The following NLRP1 variants were observed in gnomAD, a reference collection of about 807,000 sequenced individuals.
NLRP1 encodes NLR family pyrin domain containing 1.
A neutral mutation model predicts 136.7 loss-of-function variants in NLRP1; 94 were observed. The observed-to-expected ratio is 0.69, with a 90% CI of 0.58 to 0.82. NLRP1 has a LOEUF of 0.82. Ranked by LOEUF, NLRP1 falls within the 40% of genes least tolerant of loss-of-function variation. The pLI, the probability that NLRP1 is intolerant of heterozygous loss-of-function variation, is 0.00. For missense variants in NLRP1, 1,575 were observed against 1,802.7 expected, an observed-to-expected ratio of 0.87 and a Z score of 2.29; for synonymous variants, 690 against 725.1, an observed-to-expected ratio of 0.95 and a Z score of 0.78.
chr17:5,517,868 C>T lies in NLRP1; in HGVS notation c.3935G>A (p.Arg1312Gln), dbSNP rs765377790. The T allele has an allele frequency of 1.9e-5, 31 of 1,614,012 alleles. No individual in the cohort carries two copies. The highest frequency in any genetic ancestry group is 4.0e-5 in the African/African-American group (3 of 74,940). The change falls in exon 15 of 17, where the codon CGA becomes CAA. Residue 1312 changes from arginine to glutamine, a missense_variant. Coordinates refer to ENST00000572272, the MANE Select transcript of NLRP1 (RefSeq NM_033004.4). ...GAACAGCTGGTCTTCTCCAGGGCTTCGATAGCAGAGCTCCAGTTCCTGAAG... is the reference window on the plus strand; with the variant it reads ...GAACAGCTGGTCTTCTCCAGGGCTTTGATAGCAGAGCTCCAGTTCCTGAAG... ...ILPKELELCY[R>Q]SPGEDQLFSE...
chr17:5,564,345 G>GC (rs1915090467), intron 3 of NLRP1, among the ~76,000 whole-genome samples: 1 of 151,222 alleles, frequency 6.6e-6, no homozygotes, highest in Non-Finnish European at 1.5e-5. Context: ...TTTCCCTCTT[G>GC]CCCCCCACTA....
rs1420688556 is a variant in NLRP1 at position 5,545,393 on chromosome 17, CACACACGGAT to C, written c.2529-3376_2529-3367del. 2.6e-5 allele frequency among the ~76,000 whole-genome samples: 4 copies of C among 151,368 alleles called. No homozygotes were observed. The South Asian group carries it at 6.3e-4, about 24-fold the overall frequency. ...ACAGACACAGACACCCACACACAGA[CACACACGGAT>C]ACACACACACATACACAGACATACA... is the stretch of plus-strand genomic sequence containing the variant. On this transcript the variant is annotated intron_variant, in intron 5 of 16. Coordinates refer to ENST00000572272, the MANE Select transcript of NLRP1 (RefSeq NM_033004.4).
rs1294248524 is a variant in NLRP1 at position 5,517,362 on chromosome 17, C to CGG, written c.4057+383_4057+384insCC. On this transcript the variant is annotated intron_variant, in intron 15 of 16. Transcript: ENST00000572272. ...TAGTGCACTCTGCACCCCCCCCCCTCCCACATACACAGACTTTCTTCCATT... is the reference window on the plus strand; with the variant it reads ...TAGTGCACTCTGCACCCCCCCCCCTCGGCCACATACACAGACTTTCTTCCATT... Among the ~76,000 whole-genome samples, 72 of 61,568 alleles carry CGG rather than the reference C, an allele frequency of 1.2e-3. 16 individuals carry two copies. Among genetic ancestry groups the CGG allele is most frequent in the African/African-American group, 3.2e-3 (62 of 19,158 alleles). The allele number at this position is 61,568 out of a possible 152,430, so 40.4% of individuals were successfully genotyped here. A position where few individuals can be genotyped will look rare whatever the true frequency, so the allele number is the denominator to read the frequency against.
chr17:5,512,379 C>T (rs544330183), downstream of NLRP1: 3 of 1,131,772 alleles, frequency 2.7e-6, no homozygotes, highest in South Asian at 1.2e-5. Flanking sequence ...TGGACCCACA[C>T]TTGTAACATC....
At chr17:5,542,333 C>T (rs1226101369) in intron 5 of NLRP1, among the ~76,000 whole-genome samples, 1 of 152,134 alleles carries the variant, frequency 6.6e-6, no homozygotes, top group Non-Finnish European at 1.5e-5. Context: ...CATCTCTGTC[C>T]TCATCTCTAA....
At chr17:5,538,562 T>C (rs1485964192) in intron 7 of NLRP1, among the ~76,000 whole-genome samples, 1 of 152,160 alleles carries the variant, frequency 6.6e-6, no homozygotes, top group Admixed American at 6.5e-5. Flanking sequence ...GTACTTTCCT[T>C]TCACTCCACA....
intron 3 of NLRP1, among the ~76,000 whole-genome samples, chr17:5,574,987 G>T (rs547577182): frequency 3.3e-5 from 5 of 152,144 alleles, no homozygotes; most frequent in Admixed American, 2.0e-4. Flanking sequence ...TTAAAGAAAA[G>T]AATTTTCAAC....
chr17:5,508,080 G>A (rs1907441980), intron 15 of NLRP1, among the ~76,000 whole-genome samples: 1 of 152,042 alleles, frequency 6.6e-6, no homozygotes, highest in South Asian at 2.1e-4. Flanking sequence ...GTTGCGGTGA[G>A]CTGACATCGT....
chr17:5,580,488 A>G (rs1905516944), intron 3 of NLRP1, among the ~76,000 whole-genome samples: 1 of 152,206 alleles, frequency 6.6e-6, no homozygotes, highest in Non-Finnish European at 1.5e-5. Context: ...GAATCAGGGA[A>G]AAATGTTATT....
chr17:5,577,132 T>C (rs1905105679), intron 3 of NLRP1, among the ~76,000 whole-genome samples: 1 of 152,186 alleles, frequency 6.6e-6, no homozygotes, highest in Non-Finnish European at 1.5e-5. Context: ...AAGAGCTATT[T>C]ATGGCAAACC....
At chr17:5,553,774 A>G (rs75897615) in intron 4 of NLRP1, among the ~76,000 whole-genome samples, 8,763 of 151,558 alleles carry the variant, frequency 0.058, 602 homozygotes, top group African/African-American at 0.17. Flanking sequence ...AGCCCTTACC[A>G]TAGCACACTG....
intron 4 of NLRP1, among the ~76,000 whole-genome samples, chr17:5,556,295 T>C (rs1477232311): frequency 6.6e-6 from 1 of 151,748 alleles, no homozygotes; most frequent in South Asian, 2.1e-4. Context: ...ATACAAAAAA[T>C]ATACAAAAAT....
At position 5,583,612 on chromosome 17, in the gene NLRP1, G is replaced by C; in HGVS notation, c.271+75C>G. On this transcript the variant is annotated intron_variant, in intron 1 of 16. Transcript: ENST00000572272. The surrounding 1 kb of genome is among the most constrained non-coding windows in gnomAD (Gnocchi z 4.5). The stretch of plus-strand genomic sequence containing the variant: ...GGCCTGGCAGGGAGGGCTCAGTGGT[G>C]GGGTCCCAAGAGGGCAGGGCAGGCA... 1.4e-6 allele frequency: 2 copies of C among 1,432,112 alleles called. No homozygotes were observed. Among genetic ancestry groups the C allele is most frequent in the Non-Finnish European group, 1.9e-6 (2 of 1,061,836 alleles). 88.7% of individuals were successfully genotyped at this position (1,432,112 alleles called of 1,614,324 possible).
intron 15 of NLRP1, among the ~76,000 whole-genome samples, chr17:5,516,549 A>G (rs1467826897): frequency 6.6e-6 from 1 of 152,236 alleles, no homozygotes; most frequent in Non-Finnish European, 1.5e-5. Flanking sequence ...TTGGCTTAAC[A>G]TGAGGAAAAA....
At chr17:5,540,350 C>T (rs188966652) in intron 6 of NLRP1, among the ~76,000 whole-genome samples, 2 of 152,264 alleles carry the variant, frequency 1.3e-5, no homozygotes, top group East Asian at 3.9e-4. Flanking sequence ...GGGCTATGTA[C>T]CTGCTGTATG....
chr17:5,583,709 G>A lies in NLRP1; in HGVS notation c.249C>T (p.Cys83=), dbSNP rs753714957. 6.4e-6 allele frequency: 10 copies of A among 1,554,140 alleles called. No homozygotes were observed. The highest frequency in any genetic ancestry group is 1.9e-5 in the Admixed American group (1 of 51,750). ...CACCTGCCCCTTCCTGGGCTTGGGC[G>A]CACAGTGACCTCAGCCCCATCTGCT... ...TWEQMGLRSL[C]AQAQEGAGHS... The change falls in exon 1 of 17, where the codon TGC becomes TGT. Residue 83 remains cysteine, a synonymous_variant. Coordinates refer to ENST00000572272, the MANE Select transcript of NLRP1 (RefSeq NM_033004.4). This position sits in a 1 kb window ranked among gnomAD's most constrained non-coding sequence, Gnocchi z 4.5.
downstream of NLRP1, among the ~76,000 whole-genome samples, chr17:5,512,906 T>G (rs928536679): frequency 1.2e-4 from 19 of 152,092 alleles, no homozygotes; most frequent in African/African-American, 4.3e-4. Context: ...ATCAGTGGAG[T>G]CTTTGTGACC....
At chr17:5,535,534 G>A (rs1033812097) in intron 8 of NLRP1, among the ~76,000 whole-genome samples, 10 of 151,872 alleles carry the variant, frequency 6.6e-5, no homozygotes, top group African/African-American at 2.4e-4. Flanking sequence ...GCCCATAGGT[G>A]CACTCACACT....
chr17:5,582,963 G>A (rs905634758), intron 1 of NLRP1, 117 bp from the exon 2 acceptor site: 1 of 748,452 alleles, frequency 1.3e-6, no homozygotes, highest in Non-Finnish European at 2.2e-6. Flanking sequence ...CAGTGAACCC[G>A]CTGCAGCCCT....
Sources: gnomAD v4.1 joint callset for allele counts (sites outside exome capture counted in the v4.1 genomes callset) on GRCh38, gnomAD v4.1.1 for gene constraint, Gnocchi (gnomAD v3.1) non-coding constraint, MANE v1.5 for transcripts, NCBI Gene and HGNC (gene_info 2026-07-23, HGNC 2026-07-21) for gene names.